Variants in THSD7A observed in about 807,000 individuals in gnomAD.
THSD7A encodes thrombospondin type 1 domain containing 7A, also known as thrombospondin type-1 domain-containing protein 7A.
A neutral mutation model predicts 231.3 loss-of-function variants in THSD7A; 96 were observed. That is an observed-to-expected ratio of 0.41 (90% confidence interval 0.35 to 0.49). The LOEUF is 0.49. Ranked by LOEUF, THSD7A falls within the 20% of genes least tolerant of loss-of-function variation. The pLI, the probability that THSD7A is intolerant of heterozygous loss-of-function variation, is 0.05. For missense variants in THSD7A, 2,290 were observed against 2,070.2 expected (o/e 1.11, Z -2.06); for synonymous variants, 940 against 743.3 (o/e 1.26, Z -4.30).
chr7:11,741,230 T>C (rs1205568173), intron 1 of THSD7A, among the ~76,000 whole-genome samples: 1 of 151,974 alleles, frequency 6.6e-6, no homozygotes, highest in Non-Finnish European at 1.5e-5. Flanking sequence ...TTTCACTATA[T>C]TAGAGTACTT....
intron 1 of THSD7A, among the ~76,000 whole-genome samples, chr7:11,668,457 GAGAAAGAAAGAAAAAA>G (rs1783236813): frequency 2.5e-5 from 1 of 39,642 alleles, no homozygotes; most frequent in Admixed American, 3.0e-4. Flanking sequence ...GAGAGAGAGA[GAGAAAGAAAGAAAAAA>G]AGAAAGACAG....
chr7:11,722,204 G>A (rs1235528441), intron 1 of THSD7A, among the ~76,000 whole-genome samples: 1 of 151,822 alleles, frequency 6.6e-6, no homozygotes, highest in Non-Finnish European at 1.5e-5. Context: ...AATGAAAACG[G>A]TCCCTCTCTA....
chr7:11,788,515 C>T (rs1433345882), intron 1 of THSD7A, among the ~76,000 whole-genome samples: 2 of 152,034 alleles, frequency 1.3e-5, no homozygotes, highest in Non-Finnish European at 2.9e-5. Context: ...TCAGCTGCTA[C>T]ACAAACTGCT....
intron 1 of THSD7A, among the ~76,000 whole-genome samples, chr7:11,694,164 C>G (rs1210955274): frequency 6.6e-6 from 1 of 151,488 alleles, no homozygotes; most frequent in Non-Finnish European, 1.5e-5. Flanking sequence ...TCTTGGCTAT[C>G]TTCTAAGCTT....
intron 13 of THSD7A, among the ~76,000 whole-genome samples, chr7:11,429,581 G>A (rs1784419481): frequency 6.6e-6 from 1 of 152,112 alleles, no homozygotes; most frequent in South Asian, 2.1e-4. Flanking sequence ...TACCCAAAAG[G>A]AACCATTTAA....
rs1295693973 is a variant in THSD7A, at chr7:11,374,860, C to G, written c.*934G>C. ...TTGCTGCCATCCAAACTGAACTTTA[C>G]TCTCTTCAGGATACAAGAACTTGCA... On this transcript the variant is annotated 3_prime_UTR_variant, in exon 28 of 28. Coordinates refer to ENST00000423059, the MANE Select transcript of THSD7A (RefSeq NM_015204.3). 6.6e-6 allele frequency: 1 copy of G among 152,030 alleles called. No individual in the cohort carries two copies. Among genetic ancestry groups the G allele is most frequent in the East Asian group, 1.9e-4 (1 of 5,170 alleles). The allele number at this position is 152,030 out of a possible 1,614,324, so 9.4% of individuals were successfully genotyped here. A position where few individuals can be genotyped will look rare whatever the true frequency, so the allele number is the denominator to read the frequency against.
chr7:11,385,723 T>C (rs2115311702), intron 23 of THSD7A: 1 of 152,228 alleles, frequency 6.6e-6, no homozygotes, highest in South Asian at 2.1e-4. Context: ...TAAGTAACTT[T>C]ATTTTTAACT....
intron 11 of THSD7A, among the ~76,000 whole-genome samples, chr7:11,457,833 C>A (rs1222689267): frequency 2.0e-5 from 3 of 152,066 alleles, no homozygotes; most frequent in Non-Finnish European, 4.4e-5. Flanking sequence ...CTCTCTACTT[C>A]TTCTAATATT....
At chr7:11,583,256 T>C (rs2128338353) in intron 4 of THSD7A, among the ~76,000 whole-genome samples, 1 of 152,268 alleles carries the variant, frequency 6.6e-6, no homozygotes, top group East Asian at 1.9e-4. Flanking sequence ...AATAAGTTTT[T>C]AGCATTTTAT....
chr7:11,533,259 G>T (rs1788778216), intron 6 of THSD7A, among the ~76,000 whole-genome samples: 1 of 152,146 alleles, frequency 6.6e-6, no homozygotes, highest in African/African-American at 2.4e-5. Flanking sequence ...AACTGAGAAA[G>T]TTCCTCGGCT....
chr7:11,417,698 G>T, intron 16 of THSD7A, 95 bp from the exon 17 acceptor site: 1 of 1,311,042 alleles, frequency 7.6e-7, no homozygotes, highest in East Asian at 2.5e-5. Context: ...CAGGACAGAT[G>T]GTTCTCCTTA....
chr7:11,780,514 C>T (rs1783589141), intron 1 of THSD7A, among the ~76,000 whole-genome samples: 3 of 152,126 alleles, frequency 2.0e-5, no homozygotes, highest in Admixed American at 2.0e-4. Context: ...TTAAGGTCTT[C>T]AGCCGACAGC....
chr7:11,711,645 G>A (rs1396221392), intron 1 of THSD7A, among the ~76,000 whole-genome samples: 1 of 151,054 alleles, frequency 6.6e-6, no homozygotes, highest in African/African-American at 2.4e-5. Context: ...ACTAAGCATG[G>A]CAATGTTTTC....
intron 1 of THSD7A, among the ~76,000 whole-genome samples, chr7:11,695,063 G>T (rs775907303): frequency 5.9e-5 from 9 of 151,418 alleles, no homozygotes; most frequent in Non-Finnish European, 8.9e-5. Flanking sequence ...AGAAAACCAA[G>T]ACCCAGTAAA....
chr7:11,522,656 A>T (rs1788314115), intron 6 of THSD7A, among the ~76,000 whole-genome samples: 1 of 152,166 alleles, frequency 6.6e-6, no homozygotes, highest in Non-Finnish European at 1.5e-5. Context: ...TTTAATGCTA[A>T]TTATTGAAAA....
intron 4 of THSD7A, among the ~76,000 whole-genome samples, chr7:11,566,086 A>G (rs540657627): frequency 2.6e-5 from 4 of 152,180 alleles, no homozygotes; most frequent in African/African-American, 7.2e-5. Context: ...TACTTAAACT[A>G]CTGCATGTGT....
intron 23 of THSD7A, among the ~76,000 whole-genome samples, chr7:11,399,874 C>T (rs199646810): frequency 1.2e-4 from 18 of 152,164 alleles, no homozygotes; most frequent in Admixed American, 3.9e-4. Flanking sequence ...ACGTTTATTG[C>T]GGCACTATTC....
intron 16 of THSD7A, among the ~76,000 whole-genome samples, chr7:11,421,126 G>A (rs893612680): frequency 6.6e-6 from 1 of 152,122 alleles, no homozygotes; most frequent in Admixed American, 6.5e-5. Context: ...GGGAAGGTAT[G>A]GTTGTATTTT....
At chr7:11,456,598 C>T (rs1583776252) in intron 11 of THSD7A, among the ~76,000 whole-genome samples, 3 of 151,958 alleles carry the variant, frequency 2.0e-5, no homozygotes, top group Admixed American at 6.6e-5. Flanking sequence ...TCATTGGTTA[C>T]ATGGCTTTTG....
Sources: allele counts gnomAD v4.1 joint callset (sites outside exome capture counted in the v4.1 genomes callset), GRCh38; gene constraint gnomAD v4.1.1; transcripts MANE v1.5; gene names NCBI Gene and HGNC (gene_info 2026-07-23, HGNC 2026-07-21).